Variants in PRELID1 observed in about 807,000 individuals in gnomAD.
PRELID1 encodes PRELI domain-containing protein 1, mitochondrial.
PRELID1 carries 15 observed loss-of-function variants against 29.0 expected under a neutral mutation model. The observed-to-expected ratio is 0.52, with a 90% CI of 0.35 to 0.80. PRELID1 has a LOEUF of 0.80. Among genes scored for constraint, PRELID1 ranks in the 30% least tolerant of loss-of-function variants. The pLI is 0.01. For synonymous variants in PRELID1, 79 were observed against 106.5 expected, an observed-to-expected ratio of 0.74 and a Z score of 1.59; for missense variants, 187 against 275.9, an observed-to-expected ratio of 0.68 and a Z score of 2.28.
chr5:177,304,939 C>T, intron 2 of PRELID1, 89 bp downstream of exon 2: 4 of 1,293,830 alleles, frequency 3.1e-6, no homozygotes, highest in Non-Finnish European at 4.3e-6. Flanking sequence ...GCTAGAGAGC[C>T]ATAAGGCAGC....
In PRELID1 at chr5:177,306,715, G is replaced by A. The variant is rs1176499140; in HGVS notation, c.*145G>A. 2 of 1,217,162 alleles carry A rather than the reference G, an allele frequency of 1.6e-6. No homozygotes were observed. The highest frequency in any genetic ancestry group is 2.3e-6 in the Non-Finnish European group (2 of 882,442). 75.4% of individuals were successfully genotyped at this position (1,217,162 alleles called of 1,614,324 possible). A position where few individuals can be genotyped will look rare whatever the true frequency, so the allele number is the denominator to read the frequency against. On this transcript the variant is annotated 3_prime_UTR_variant, in exon 5 of 5. Coordinates refer to ENST00000303204, the MANE Select transcript of PRELID1 (RefSeq NM_013237.4). Reference sequence around the variant, plus strand: ...GTGGGGATGCAGTTTGGCATCTGCAGTACACCAAGCACATGATTCATGTCT... The same window carrying A: ...GTGGGGATGCAGTTTGGCATCTGCAATACACCAAGCACATGATTCATGTCT...
intron 4 of PRELID1, 115 bp from the exon 5 acceptor site, chr5:177,306,307 T>C (rs1448800529): frequency 1.3e-6 from 2 of 1,572,542 alleles, no homozygotes; most frequent in East Asian, 2.3e-5. Flanking sequence ...GGGAGGAGGG[T>C]GAATACCACC....
In PRELID1 at chr5:177,304,028, T is replaced by C. The variant is rs550580397; in HGVS notation, c.43T>C (p.Trp15Arg). The C allele has an allele frequency of 1.2e-6, 2 of 1,612,146 alleles. No individual in the cohort carries two copies. Among genetic ancestry groups the C allele is most frequent in the Non-Finnish European group, 1.7e-6 (2 of 1,179,940 alleles). Residue 15 changes from tryptophan to arginine, a missense_variant, in exon 1 of 5, where the codon TGG (tryptophan) becomes CGG (arginine). Trp to Arg is a moderately radical substitution (Grantham distance 101). Coordinates refer to ENST00000303204, the MANE Select transcript of PRELID1 (RefSeq NM_013237.4). ...FLGQSVLRSSWDQVFAAFWQR... is the reference protein window; with the variant it reads ...FLGQSVLRSSRDQVFAAFWQR... Reference sequence around the variant, plus strand: ...GGGCCAGAGCGTGCTCCGGAGTTCCTGGGACCAAGTGTTCGCCGCCTTCTG... The same window carrying C: ...GGGCCAGAGCGTGCTCCGGAGTTCCCGGGACCAAGTGTTCGCCGCCTTCTG...
At position 177,305,924 on chromosome 5, in the gene PRELID1, T is replaced by C; in HGVS notation, c.372T>C (p.Thr124=). 1.2e-6 allele frequency: 2 copies of C among 1,614,188 alleles called. No individual in the cohort carries two copies. The highest frequency in any genetic ancestry group is 8.5e-7 in the Non-Finnish European group (1 of 1,180,022). ...TGAACTCTGACAACAGTGGCTGGAC[T>C]GAAATCCGCCGGGAAGCCTGGGTCT... The part of the protein sequence containing the change: ...YCVNSDNSGW[T]EIRREAWVSS... Residue 124 remains threonine (T), a synonymous_variant, in exon 3 of 5, where the codon ACT becomes ACC. Transcript: ENST00000303204.
chr5:177,304,610 C>T lies in PRELID1; in HGVS notation c.93-15C>T, dbSNP rs1010266450. On this transcript the variant is annotated splice_polypyrimidine_tract_variant and intron_variant, in intron 1 of 4. Transcript: ENST00000303204. ...GGCAAGCTTCTGAGGGTCACCTTCACCCTGACACCTGCAGCAAACATGTCT... is the reference window on the plus strand; with the variant it reads ...GGCAAGCTTCTGAGGGTCACCTTCATCCTGACACCTGCAGCAAACATGTCT... The T allele has an allele frequency of 3.1e-6, 5 of 1,603,380 alleles. No homozygotes were observed. In the African/African-American group the frequency reaches 5.4e-5, roughly 17 times the overall value.
At chr5:177,306,270 C>G in intron 4 of PRELID1, 94 bp downstream of exon 4, 4 of 1,559,058 alleles carry the variant, frequency 2.6e-6, no homozygotes, top group Non-Finnish European at 3.5e-6. Flanking sequence ...CTGCTCTGAG[C>G]TGGGACTCCT....
At chr5:177,305,028 T>C (rs574000565) in intron 2 of PRELID1, among the ~76,000 whole-genome samples, 178 bp downstream of exon 2, 1 of 152,192 alleles carries the variant, frequency 6.6e-6, no homozygotes, top group Non-Finnish European at 1.5e-5. Context: ...TCTTTTCAGC[T>C]GGCCATCCTC....
chr5:177,304,590 G>C, intron 1 of PRELID1, 35 bp from the exon 2 acceptor site: 3 of 1,567,416 alleles, frequency 1.9e-6, no homozygotes, highest in Non-Finnish European at 2.6e-6. Context: ...TTAGGGGCAA[G>C]CTTCTGAGGG....
rs778084573 is a variant in PRELID1, at chr5:177,306,417, G to C, written c.512-5G>C. Reference sequence around the variant, plus strand: ...CTAAAGGCAGCCACCTGCCGTTCGCGACAGGCGAGGCCCCTTCCAAAACAC... The same window carrying C: ...CTAAAGGCAGCCACCTGCCGTTCGCCACAGGCGAGGCCCCTTCCAAAACAC... On this transcript the variant is annotated splice_polypyrimidine_tract_variant and splice_region_variant and intron_variant, in intron 4 of 4. Transcript: ENST00000303204. The C allele has an allele frequency of 9.3e-6, 15 of 1,613,912 alleles. No individual in the cohort carries two copies. In the East Asian group the frequency reaches 1.1e-4, roughly 12 times the overall value.
rs1428554617 is a variant in PRELID1 at position 177,304,500 on chromosome 5, A to G, written c.93-125A>G. On this transcript the variant is annotated intron_variant, in intron 1 of 4. Transcript: ENST00000303204. ...TTAACTCTGGTTTGAACCATAGCAC[A>G]TACCACCCTGCAAGGTTACGGGAAG... 1.1e-5 allele frequency: 9 copies of G among 839,028 alleles called. No homozygotes were observed. In the Admixed American group the frequency reaches 1.2e-4, roughly 11 times the overall value. 52.0% of individuals were successfully genotyped at this position (839,028 alleles called of 1,614,324 possible). A position where few individuals can be genotyped will look rare whatever the true frequency, so the allele number is the denominator to read the frequency against.
chr5:177,304,738 T>C lies in PRELID1; in HGVS notation c.206T>C (p.Leu69Pro). The change falls in exon 2 of 5, where the codon CTA (leucine) becomes CCA (proline). Residue 69 changes from leucine (L) to proline (P), a missense_variant. Physicochemically the swap from Leu to Pro is moderately conservative, Grantham distance 98. Transcript: ENST00000303204. Reference sequence around the variant, plus strand: ...AGGATGCCACGCTGGGCCGAGCGACTATTTCCTGCCAATGTTGCTCACTCG... The same window carrying C: ...AGGATGCCACGCTGGGCCGAGCGACCATTTCCTGCCAATGTTGCTCACTCG... ...TNRMPRWAER[L>P]FPANVAHSVY... The C allele has an allele frequency of 1.2e-6, 2 of 1,613,996 alleles. No homozygotes were observed. Among genetic ancestry groups the C allele is most frequent in the Non-Finnish European group, 1.7e-6 (2 of 1,179,860 alleles).
At chr5:177,305,553 G>T in intron 2 of PRELID1, 1 of 325,658 alleles carries the variant, frequency 3.1e-6, no homozygotes, top group Non-Finnish European at 5.8e-6. Flanking sequence ...TGCAGCTGGT[G>T]GAAGGCGGCT....
Position 177,304,022 on chromosome 5 carries a change from A to G in PRELID1, c.37A>G (p.Ser13Gly), listed in dbSNP as rs914630948. 2.5e-6 allele frequency: 4 copies of G among 1,612,028 alleles called. No homozygotes were observed. The highest frequency in any genetic ancestry group is 3.4e-6 in the Non-Finnish European group (4 of 1,179,920). ...KYFLGQSVLR[S>G]SWDQVFAAFW... Reference sequence around the variant, plus strand: ...TTTCCTGGGCCAGAGCGTGCTCCGGAGTTCCTGGGACCAAGTGTTCGCCGC... The same window carrying G: ...TTTCCTGGGCCAGAGCGTGCTCCGGGGTTCCTGGGACCAAGTGTTCGCCGC... The change falls in exon 1 of 5, where the codon AGT (serine) becomes GGT (glycine). Residue 13 changes from serine (S) to glycine (G), a missense_variant. Physicochemically the swap from Ser to Gly is moderately conservative, Grantham distance 56. Transcript: ENST00000303204.
intron 1 of PRELID1, 140 bp from the exon 2 acceptor site, chr5:177,304,485 T>G: frequency 1.3e-6 from 1 of 783,264 alleles, no homozygotes; most frequent in Non-Finnish European, 2.2e-6. Flanking sequence ...TTAACTCTGG[T>G]TTGAACCATA....
rs1366836639 is a variant in PRELID1 at position 177,303,861 on chromosome 5, G to C, written c.-125G>C. The C allele has an allele frequency of 1.3e-6, 1 of 743,896 alleles. No homozygotes were observed. Among genetic ancestry groups the C allele is most frequent in the African/African-American group, 1.9e-5 (1 of 53,608 alleles). The allele number at this position is 743,896 out of a possible 1,614,324, so 46.1% of individuals were successfully genotyped here. A position where few individuals can be genotyped will look rare whatever the true frequency, so the allele number is the denominator to read the frequency against. ...GGCAGCTGCTTGGGCGCGGTGCGGT[G>C]GTGACTGAGCTACGAGCCTGGCGGC... On this transcript the variant is annotated 5_prime_UTR_variant, in exon 1 of 5. Transcript: ENST00000303204. This position sits in a 1 kb window ranked among gnomAD's most constrained non-coding sequence, Gnocchi z 6.1.
At chr5:177,304,106 C>T in intron 1 of PRELID1, 29 bp downstream of exon 1, 1 of 1,587,284 alleles carries the variant, frequency 6.3e-7, no homozygotes, top group Non-Finnish European at 8.6e-7. Context: ...AGCAAAACCG[C>T]GCCATCTCGC....
In PRELID1 at chr5:177,304,566, C is replaced by T. The variant is rs746238873; in HGVS notation, c.93-59C>T. 2.0e-5 allele frequency: 29 copies of T among 1,432,360 alleles called. 2 individuals are homozygous for T. The South Asian group carries it at 3.3e-4, about 16-fold the overall frequency. 88.7% of individuals were successfully genotyped at this position (1,432,360 alleles called of 1,614,324 possible). A position where few individuals can be genotyped will look rare whatever the true frequency, so the allele number is the denominator to read the frequency against. On this transcript the variant is annotated intron_variant, in intron 1 of 4. Transcript: ENST00000303204. Reference sequence around the variant, plus strand: ...GCCCGGAGCCTCCAAATGGGAATCCCCTCGGGCAGTCTCTTAGGGGCAAGC... The same window carrying T: ...GCCCGGAGCCTCCAAATGGGAATCCTCTCGGGCAGTCTCTTAGGGGCAAGC...
Position 177,306,872 on chromosome 5 carries a change from A to C in PRELID1, c.*302A>C. ...GCTAGACTGTAAGCCCGACAAGGGC[A>C]GGGCTTTTGGTTTTGTTCTCTGATG... is the stretch of plus-strand genomic sequence containing the variant. On this transcript the variant is annotated 3_prime_UTR_variant, in exon 5 of 5. Transcript: ENST00000303204. 1 of 722,662 alleles carries C rather than the reference A, an allele frequency of 1.4e-6. No individual in the cohort carries two copies. The highest frequency in any genetic ancestry group is 2.2e-6 in the Non-Finnish European group (1 of 452,642). The allele number at this position is 722,662 out of a possible 1,614,324, so 44.8% of individuals were successfully genotyped here.
intron 2 of PRELID1, 86 bp downstream of exon 2, chr5:177,304,936 A>G: frequency 1.5e-6 from 2 of 1,331,254 alleles, no homozygotes; most frequent in South Asian, 1.3e-5. Flanking sequence ...GTGGCTAGAG[A>G]GCCATAAGGC....
Sources: allele counts gnomAD v4.1 joint callset (sites outside exome capture counted in the v4.1 genomes callset), GRCh38; gene constraint gnomAD v4.1.1; non-coding constraint Gnocchi (gnomAD v3.1); transcripts MANE v1.5; gene names NCBI Gene and HGNC (gene_info 2026-07-23, HGNC 2026-07-21).